The following ARID2 variants were observed in gnomAD, a reference collection of about 807,000 sequenced individuals.
The protein encoded by ARID2 is AT-rich interaction domain 2.
A neutral mutation model predicts 184.6 loss-of-function variants in ARID2; 32 were observed. The ratio of observed to expected loss-of-function variants is 0.17; its 90% CI spans 0.13 to 0.23. The LOEUF (loss-of-function observed/expected upper bound fraction) is 0.23. Ranked by LOEUF, ARID2 falls within the 10% of genes least tolerant of loss-of-function variation. ARID2 has a pLI of 1.00. For missense variants in ARID2, 1,696 were observed against 2,197.6 expected (o/e 0.77, Z 4.56); for synonymous variants, 836 against 772.6 (o/e 1.08, Z -1.36).
chr12:45,752,455 A>G (rs545864386), intron 3 of ARID2, among the ~76,000 whole-genome samples: 15 of 152,328 alleles, frequency 9.8e-5, no homozygotes, highest in Non-Finnish European at 1.6e-4. Flanking sequence ...ATGGGATTCA[A>G]TGATTTATGT....
chr12:45,891,764 C>G lies in ARID2; in HGVS notation c.4923-16C>G, dbSNP rs2138231696. The stretch of plus-strand genomic sequence containing the variant: ...CTTGAATACATCCAAGTGTCTACTA[C>G]TTTTATTTTTTATAGGTGGTTTCAG... On this transcript the variant is annotated splice_polypyrimidine_tract_variant and intron_variant, in intron 16 of 20. Transcript: ENST00000334344. 1 of 1,608,970 alleles carries G rather than the reference C, an allele frequency of 6.2e-7. No homozygotes were observed. Among genetic ancestry groups the G allele is most frequent in the Non-Finnish European group, 8.5e-7 (1 of 1,178,716 alleles).
At chr12:45,902,381 A>G (rs984656377) in intron 20 of ARID2, among the ~76,000 whole-genome samples, 4 of 152,322 alleles carry the variant, frequency 2.6e-5, no homozygotes, top group Admixed American at 2.6e-4. Context: ...CAATATTCAA[A>G]TAAAAGAATA....
At chr12:45,737,033 A>G (rs1462648713) in intron 3 of ARID2, among the ~76,000 whole-genome samples, 1 of 152,248 alleles carries the variant, frequency 6.6e-6, no homozygotes, top group Non-Finnish European at 1.5e-5. Flanking sequence ...GATAAAAGAA[A>G]TAACAAACTT....
chr12:45,874,918 G>A (rs1194207458), intron 16 of ARID2, among the ~76,000 whole-genome samples: 2 of 152,178 alleles, frequency 1.3e-5, no homozygotes, highest in Non-Finnish European at 2.9e-5. Context: ...GAACCTAGGA[G>A]TTCAAGATGA....
intron 3 of ARID2, among the ~76,000 whole-genome samples, chr12:45,797,149 C>T (rs1419601416): frequency 6.6e-6 from 1 of 152,156 alleles, no homozygotes; most frequent in Non-Finnish European, 1.5e-5. Flanking sequence ...TACATACACA[C>T]ACAAACACAT....
chr12:45,869,122 C>T (rs1403799925), intron 16 of ARID2, among the ~76,000 whole-genome samples: 1 of 151,868 alleles, frequency 6.6e-6, no homozygotes, highest in Non-Finnish European at 1.5e-5. Context: ...CAGGTTCAAG[C>T]GATTCGCCTG....
intron 15 of ARID2, 22 bp from the exon 16 acceptor site, chr12:45,860,779 C>G: frequency 6.8e-7 from 1 of 1,480,716 alleles, no homozygotes; most frequent in Non-Finnish European, 9.0e-7. Context: ...GTCACAAACT[C>G]TGCATTTGTT....
At chr12:45,780,436 C>T (rs1057126812) in intron 3 of ARID2, among the ~76,000 whole-genome samples, 14 of 151,748 alleles carry the variant, frequency 9.2e-5, no homozygotes, top group Non-Finnish European at 1.8e-4. Context: ...TTAGTATCTG[C>T]TTTTTTTCAT....
At chr12:45,809,096 C>G (rs1472920470) in intron 3 of ARID2, among the ~76,000 whole-genome samples, 1 of 152,164 alleles carries the variant, frequency 6.6e-6, no homozygotes, top group Admixed American at 6.5e-5. Context: ...ATCTACTGTA[C>G]TAAATGATAA....
chr12:45,859,367 C>G (rs994409525), intron 15 of ARID2, among the ~76,000 whole-genome samples: 19 of 152,108 alleles, frequency 1.2e-4, no homozygotes, highest in African/African-American at 4.3e-4. Context: ...GCTATATCAT[C>G]TAGGTTTGTG....
chr12:45,753,721 A>G (rs1941512031), intron 3 of ARID2, among the ~76,000 whole-genome samples: 1 of 151,980 alleles, frequency 6.6e-6, no homozygotes. Flanking sequence ...AGCCTCCCGA[A>G]TAGCTGGGAC....
At chr12:45,897,795 CT>C (rs950258192) in intron 20 of ARID2, among the ~76,000 whole-genome samples, 2 of 151,922 alleles carry the variant, frequency 1.3e-5, no homozygotes, top group African/African-American at 4.8e-5. Context: ...AAACAATTTA[CT>C]TATAGTAAAG....
At chr12:45,846,605 T>C (rs1210197807) in intron 11 of ARID2, among the ~76,000 whole-genome samples, 1 of 152,128 alleles carries the variant, frequency 6.6e-6, no homozygotes, top group African/African-American at 2.4e-5. Context: ...ATCATCCATA[T>C]TAATTGTTAT....
intron 3 of ARID2, among the ~76,000 whole-genome samples, chr12:45,795,133 T>A (rs1479287817): frequency 6.6e-6 from 1 of 152,142 alleles, no homozygotes; most frequent in Non-Finnish European, 1.5e-5. Flanking sequence ...TATAATAATT[T>A]TAGAAATAAA....
chr12:45,863,426 G>A (rs1943782155), intron 16 of ARID2, among the ~76,000 whole-genome samples: 1 of 152,004 alleles, frequency 6.6e-6, no homozygotes, highest in South Asian at 2.1e-4. Context: ...AAAAATACTA[G>A]TAAAGAACTT....
chr12:45,767,088 A>G (rs953301965), intron 3 of ARID2, among the ~76,000 whole-genome samples: 10 of 152,130 alleles, frequency 6.6e-5, no homozygotes, highest in African/African-American at 1.9e-4. Context: ...TGCCATCCTC[A>G]TAGGTGTGTA....
intron 3 of ARID2, among the ~76,000 whole-genome samples, chr12:45,735,586 GC>G (rs1170804278): frequency 6.6e-6 from 1 of 151,812 alleles, no homozygotes; most frequent in African/African-American, 2.4e-5. Flanking sequence ...CTTCCAAAGT[GC>G]TCGGATACAA....
At chr12:45,860,022 G>A (rs188445696) in intron 15 of ARID2, among the ~76,000 whole-genome samples, 41 of 151,440 alleles carry the variant, frequency 2.7e-4, no homozygotes, top group African/African-American at 9.2e-4. Flanking sequence ...ATGAACCACC[G>A]TGCCCAGCCT....
At chr12:45,844,708 C>G (rs1352778693) in intron 11 of ARID2, among the ~76,000 whole-genome samples, 1 of 152,200 alleles carries the variant, frequency 6.6e-6, no homozygotes, top group Non-Finnish European at 1.5e-5. Context: ...TGCACATAAT[C>G]TAATCCTTAT....
Sources: allele counts gnomAD v4.1 joint callset (sites outside exome capture counted in the v4.1 genomes callset), GRCh38; gene constraint gnomAD v4.1.1; transcripts MANE v1.5; gene names NCBI Gene and HGNC (gene_info 2026-07-23, HGNC 2026-07-21).